MLLT6: variants seen among roughly 807,000 people sequenced by gnomAD.
The protein encoded by MLLT6 is MLLT6, PHD finger containing.
MLLT6 carries 22 observed loss-of-function variants against 103.0 expected under a neutral mutation model. That is an observed-to-expected ratio of 0.21 (90% confidence interval 0.15 to 0.31). The LOEUF (loss-of-function observed/expected upper bound fraction) is 0.31. Ranked by LOEUF, MLLT6 falls within the 10% of genes least tolerant of loss-of-function variation. The pLI, the probability that MLLT6 is intolerant of heterozygous loss-of-function variation, is 1.00. For missense variants in MLLT6, 1,199 were observed against 1,441.7 expected, an observed-to-expected ratio of 0.83 and a Z score of 2.73; for synonymous variants, 606 against 623.5, an observed-to-expected ratio of 0.97 and a Z score of 0.42.
chr17:38,717,768 C>A, intron 11 of MLLT6, 77 bp from the exon 12 acceptor site: 2 of 1,385,804 alleles, frequency 1.4e-6, no homozygotes, highest in Non-Finnish European at 2.0e-6. Flanking sequence ...GCACACCCGG[C>A]CCCCTGCACC....
At chr17:38,719,087 C>G in intron 12 of MLLT6, 1 of 237,760 alleles carries the variant, frequency 4.2e-6, no homozygotes, top group Non-Finnish European at 8.3e-6. Flanking sequence ...TAGCTAAACC[C>G]TTCAGGTAAA....
chr17:38,717,361 C>T, intron 10 of MLLT6, 71 bp from the exon 11 acceptor site: 2 of 1,314,600 alleles, frequency 1.5e-6, no homozygotes, highest in Non-Finnish European at 2.1e-6. Context: ...GAGGGGCTGT[C>T]AGCCACCTGG....
In MLLT6 at chr17:38,717,901, C is replaced by T. The variant is rs565615002; in HGVS notation, c.1890C>T (p.Thr630=). Residue 630 remains threonine, a synonymous_variant, in exon 12 of 20, where the codon ACC becomes ACT. Transcript: ENST00000621332. ...FSLPSTHIFG[T]PMGAVNPLLS... ...TCCCTTCTACCCACATCTTTGGAAC[C>T]CCCATGGGTGCCGTTAATCCCCTCC... 3 of 1,614,084 alleles carry T rather than the reference C, an allele frequency of 1.9e-6. No individual in the cohort carries two copies. The highest frequency in any genetic ancestry group is 1.7e-5 in the Admixed American group (1 of 60,006).
chr17:38,712,492 C>T (rs563677922), intron 7 of MLLT6, among the ~76,000 whole-genome samples, 199 bp from the exon 8 acceptor site: 90 of 152,244 alleles, frequency 5.9e-4, no homozygotes, highest in African/African-American at 1.8e-3. Context: ...CAGGCGGGGC[C>T]GGGGGAAGGG....
Position 38,727,003 on chromosome 17 carries a change from C to T in MLLT6, c.*1405C>T, listed in dbSNP as rs896509669. On this transcript the variant is annotated 3_prime_UTR_variant, in exon 20 of 20. Transcript: ENST00000621332. ...GCGAGAGGCAAGGCGAAGCCTGTGT[C>T]CCTGTTTCAGTTGCACTGGGGTTGG... The T allele has an allele frequency of 1.7e-5, 4 of 233,794 alleles. No individual in the cohort carries two copies. Among genetic ancestry groups the T allele is most frequent in the African/African-American group, 8.8e-5 (4 of 45,482 alleles). 14.5% of individuals were successfully genotyped at this position (233,794 alleles called of 1,614,324 possible). A position where few individuals can be genotyped will look rare whatever the true frequency, so the allele number is the denominator to read the frequency against.
Position 38,726,744 on chromosome 17 carries a change from G to A in MLLT6, c.*1146G>A, listed in dbSNP as rs1341619656. 1 of 233,432 alleles carries A rather than the reference G, an allele frequency of 4.3e-6. No homozygotes were observed. The highest frequency in any genetic ancestry group is 8.5e-6 in the Non-Finnish European group (1 of 118,066). The allele number at this position is 233,432 out of a possible 1,614,324, so 14.5% of individuals were successfully genotyped here. On this transcript the variant is annotated 3_prime_UTR_variant, in exon 20 of 20. Coordinates refer to ENST00000621332, the MANE Select transcript of MLLT6 (RefSeq NM_005937.4). Reference sequence around the variant, plus strand: ...AGGGGAGCCCCAGGGCTTGGGGGAGGGCGTAAGGTGGGGGGAAATGCCACT... The same window carrying A: ...AGGGGAGCCCCAGGGCTTGGGGGAGAGCGTAAGGTGGGGGGAAATGCCACT...
chr17:38,724,432 C>G lies in MLLT6; in HGVS notation c.2884-188C>G. 1.8e-6 allele frequency: 1 copy of G among 541,706 alleles called. No individual in the cohort carries two copies. The highest frequency in any genetic ancestry group is 2.7e-5 in the South Asian group (1 of 37,404). The allele number at this position is 541,706 out of a possible 1,614,324, so 33.6% of individuals were successfully genotyped here. A position where few individuals can be genotyped will look rare whatever the true frequency, so the allele number is the denominator to read the frequency against. On this transcript the variant is annotated intron_variant, in intron 18 of 19. Coordinates refer to ENST00000621332, the MANE Select transcript of MLLT6 (RefSeq NM_005937.4). The surrounding 1 kb of genome is among the most constrained non-coding windows in gnomAD (Gnocchi z 5.4). ...CTGGCAAATACCAATGGCGTGCAAC[C>G]ATTTTCTTGTCTAGATGGGGAGACC...
At chr17:38,705,768 C>A in intron 1 of MLLT6, 27 bp downstream of exon 1, 1 of 1,216,648 alleles carries the variant, frequency 8.2e-7, no homozygotes, top group Non-Finnish European at 1.1e-6. Context: ...CGGGGGGCGG[C>A]GGGACCCCGG....
chr17:38,720,853 T>C (rs1456111822), intron 16 of MLLT6, 106 bp downstream of exon 16: 1 of 952,292 alleles, frequency 1.1e-6, no homozygotes, highest in Non-Finnish European at 1.6e-6. Context: ...AGTGACTGAC[T>C]GAGCAATTGA....
rs1906015801 is a variant in MLLT6 at position 38,726,096 on chromosome 17, C to T, written c.*498C>T. On this transcript the variant is annotated 3_prime_UTR_variant, in exon 20 of 20. Coordinates refer to ENST00000621332, the MANE Select transcript of MLLT6 (RefSeq NM_005937.4). Reference sequence around the variant, plus strand: ...CAGATGGCAGAAGGGACCCCTTGGACTTTTTCTCGCCATCCCTCCCCCCAG... The same window carrying T: ...CAGATGGCAGAAGGGACCCCTTGGATTTTTTCTCGCCATCCCTCCCCCCAG... 1 of 235,784 alleles carries T rather than the reference C, an allele frequency of 4.2e-6. No homozygotes were observed. 14.6% of individuals were successfully genotyped at this position (235,784 alleles called of 1,614,324 possible). A position where few individuals can be genotyped will look rare whatever the true frequency, so the allele number is the denominator to read the frequency against.
At chr17:38,706,826 TG>T in intron 1 of MLLT6, 123 bp from the exon 2 acceptor site, 1 of 710,528 alleles carries the variant, frequency 1.4e-6, no homozygotes. Flanking sequence ...ACCCGTAGAC[TG>T]GGGAGCAGCC....
rs1216526388 is a variant in MLLT6, at chr17:38,709,598, T to C, written c.552+23T>C. On this transcript the variant is annotated intron_variant, in intron 6 of 19. Transcript: ENST00000621332. The surrounding 1 kb of genome is among the most constrained non-coding windows in gnomAD (Gnocchi z 4.3). ...ATGGTGAGTCCTGGCGACCAGCGCA[T>C]GAGCGGGTCAGTCAGCTGTGGTAAG... 6.3e-7 allele frequency: 1 copy of C among 1,583,350 alleles called. No individual in the cohort carries two copies. Among genetic ancestry groups the C allele is most frequent in the Admixed American group, 1.7e-5 (1 of 59,968 alleles).
At chr17:38,717,100 G>T (rs777414692) in intron 10 of MLLT6, 119 bp downstream of exon 10, 31 of 1,426,496 alleles carry the variant, frequency 2.2e-5, no homozygotes, top group Non-Finnish European at 2.8e-5. Context: ...ATAGAGCACG[G>T]AGGAGACAGT....
chr17:38,716,388 C>G lies in MLLT6; in HGVS notation c.1058C>G (p.Pro353Arg). 6.2e-7 allele frequency: 1 copy of G among 1,613,314 alleles called. No homozygotes were observed. Residue 353 changes from proline to arginine, a missense_variant, in exon 10 of 20, where the codon CCT (proline) becomes CGT (arginine). Pro to Arg is a moderately radical substitution (Grantham distance 103). Coordinates refer to ENST00000621332, the MANE Select transcript of MLLT6 (RefSeq NM_005937.4). The surrounding 1 kb of genome is among the most constrained non-coding windows in gnomAD (Gnocchi z 5.6). ...ACAGTCTCGTCCCTGCAGAGCTCCC[C>G]TGACTTCTCTGCATTCCCCAAGCTG... ...QPAVSSLQSS[P>R]DFSAFPKLEQ...
chr17:38,707,059 C>T (rs58850361), intron 2 of MLLT6, 30 bp downstream of exon 2: 9 of 1,576,502 alleles, frequency 5.7e-6, no homozygotes, highest in South Asian at 1.1e-5. Flanking sequence ...TCTCCACTCC[C>T]CTGCCCCTCC....
At chr17:38,715,511 C>A in intron 8 of MLLT6, 101 bp from the exon 9 acceptor site, 6 of 1,442,086 alleles carry the variant, frequency 4.2e-6, no homozygotes, top group South Asian at 1.5e-5. Flanking sequence ...GTGGGCTCTC[C>A]CAGTTGAGCT....
rs761722637 is a variant in MLLT6 at position 38,720,362 on chromosome 17, C to G, written c.2156-10C>G. On this transcript the variant is annotated splice_polypyrimidine_tract_variant and intron_variant, in intron 14 of 19. Transcript: ENST00000621332. ...TCGCCCCTCCCTCAGGTTCCTCGCT[C>G]TCTCCGCAGTCGTGGAGATGCTGAA... 2 of 1,594,808 alleles carry G rather than the reference C, an allele frequency of 1.3e-6. No individual in the cohort carries two copies. The highest frequency in any genetic ancestry group is 1.7e-6 in the Non-Finnish European group (2 of 1,172,768).
Position 38,722,140 on chromosome 17 carries a change from G to A in MLLT6, c.2705G>A (p.Gly902Glu). ...CTGCCCCTCAATGGGCTCCTTGGGGGGTTGAATGGGGCCGCTGCCCCCAAC... is the reference window on the plus strand; with the variant it reads ...CTGCCCCTCAATGGGCTCCTTGGGGAGTTGAATGGGGCCGCTGCCCCCAAC... ...GGLPLNGLLG[G>E]LNGAAAPNPA... The change falls in exon 17 of 20, where the codon GGG (glycine) becomes GAG (glutamate). Residue 902 changes from glycine to glutamate, a missense_variant. Physicochemically the swap from Gly to Glu is moderately conservative, Grantham distance 98 (BLOSUM62 -2). Around this residue, in one of 7 missense-constraint regions of MLLT6, gnomAD observed 1,034 missense variants for 1,091.5 expected, o/e 0.95. Coordinates refer to ENST00000621332, the MANE Select transcript of MLLT6 (RefSeq NM_005937.4). 1.5e-6 allele frequency: 2 copies of A among 1,375,770 alleles called. No individual in the cohort carries two copies. Among genetic ancestry groups the A allele is most frequent in the Non-Finnish European group, 1.9e-6 (2 of 1,070,416 alleles). 85.2% of individuals were successfully genotyped at this position (1,375,770 alleles called of 1,614,324 possible).
In MLLT6 at chr17:38,728,298, G is replaced by A. The variant is rs906467530; in HGVS notation, c.*2700G>A. ...ACCAACGCAGGGGGATGGCTGTAAC[G>A]ATCTCACCGTCTCCTAACCTCAGTC... is the stretch of plus-strand genomic sequence containing the variant. On this transcript the variant is annotated 3_prime_UTR_variant, in exon 20 of 20. Coordinates refer to ENST00000621332, the MANE Select transcript of MLLT6 (RefSeq NM_005937.4). 6.0e-5 allele frequency: 14 copies of A among 233,334 alleles called. No homozygotes were observed. The highest frequency in any genetic ancestry group is 1.1e-4 in the African/African-American group (5 of 45,462). The allele number at this position is 233,334 out of a possible 1,614,324, so 14.5% of individuals were successfully genotyped here.
Sources: gnomAD v4.1 joint callset for allele counts (sites outside exome capture counted in the v4.1 genomes callset) on GRCh38, gnomAD v4.1.1 for gene constraint, gnomAD v4.1.1 regional missense constraint, Gnocchi (gnomAD v3.1) non-coding constraint, MANE v1.5 for transcripts, NCBI Gene and HGNC (gene_info 2026-07-23, HGNC 2026-07-21) for gene names.